Variants in GRIN2B observed in about 807,000 individuals in gnomAD.
GRIN2B encodes the protein glutamate ionotropic receptor NMDA type subunit 2B.
GRIN2B carries 5 observed loss-of-function variants against 114.5 expected under a neutral mutation model. The ratio of observed to expected loss-of-function variants is 0.04; its 90% CI spans 0.02 to 0.09. The LOEUF (loss-of-function observed/expected upper bound fraction) is 0.09, where lower values mean the gene tolerates loss of function less well. Among genes scored for constraint, GRIN2B ranks in the 10% least tolerant of loss-of-function variants. The pLI is 1.00. For synonymous variants in GRIN2B, 787 were observed against 745.1 expected, an observed-to-expected ratio of 1.06 and a Z score of -0.92; for missense variants, 1,108 against 1,943.5, an observed-to-expected ratio of 0.57 and a Z score of 8.08.
intron 4 of GRIN2B, among the ~76,000 whole-genome samples, chr12:13,723,032 C>T (rs1862907346): frequency 6.6e-6 from 1 of 152,070 alleles, no homozygotes; most frequent in African/African-American, 2.4e-5. Context: ...CACTCGTGTC[C>T]AGGAAGCAGG....
chr12:13,811,779 G>A (rs141126645), intron 3 of GRIN2B, among the ~76,000 whole-genome samples: 1 of 152,288 alleles, frequency 6.6e-6, no homozygotes, highest in East Asian at 1.9e-4. Flanking sequence ...TAGCCTGACT[G>A]GAGAGTGGAG....
intron 4 of GRIN2B, among the ~76,000 whole-genome samples, chr12:13,696,266 G>A (rs2216130): frequency 6.6e-6 from 1 of 152,010 alleles, no homozygotes; most frequent in Non-Finnish European, 1.5e-5. Flanking sequence ...CATCCCACAA[G>A]TAAACTTTTA....
Position 13,547,981 on chromosome 12 carries a change from A to ATATATATATATATATTTTTTTTTTTT in GRIN2B, c.*14801_*14802insAAAAAAAAAAAATATATATATATATA. The ATATATATATATATATTTTTTTTTTTT allele has an allele frequency of 6.9e-4, 47 of 68,528 alleles. No individual in the cohort carries two copies. The highest frequency in any genetic ancestry group is 2.3e-3 in the East Asian group (4 of 1,740). The allele number at this position is 68,528 out of a possible 1,614,324, so 4.2% of individuals were successfully genotyped here. On this transcript the variant is annotated 3_prime_UTR_variant, in exon 14 of 14. Transcript: ENST00000609686. Reference sequence around the variant, plus strand: ...TGTGTATATATATATATATATATATATTTTTTTTTTTTTTCTGAAAGCTAC... The same window carrying ATATATATATATATATTTTTTTTTTTT: ...TGTGTATATATATATATATATATATATATATATATATATATTTTTTTTTTTTTTTTTTTTTTTTTTCTGAAAGCTAC...
At chr12:13,956,477 C>T (rs1022555754) in intron 2 of GRIN2B, among the ~76,000 whole-genome samples, 1 of 152,184 alleles carries the variant, frequency 6.6e-6, no homozygotes, top group Non-Finnish European at 1.5e-5. Flanking sequence ...GTAACTCTTT[C>T]TCTCTGTCAC....
At chr12:13,645,253 G>T (rs760641927) in intron 5 of GRIN2B, among the ~76,000 whole-genome samples, 1 of 152,044 alleles carries the variant, frequency 6.6e-6, no homozygotes, top group Non-Finnish European at 1.5e-5. Context: ...GTGTCTTAGG[G>T]AATAAGGAGA....
intron 10 of GRIN2B, among the ~76,000 whole-genome samples, chr12:13,575,842 C>T (rs1434126694): frequency 6.6e-6 from 1 of 152,056 alleles, no homozygotes; most frequent in Non-Finnish European, 1.5e-5. Flanking sequence ...TGGACCTACC[C>T]TCTTTTCTGG....
At chr12:13,588,002 T>C (rs1948954180) in intron 10 of GRIN2B, among the ~76,000 whole-genome samples, 2 of 152,146 alleles carry the variant, frequency 1.3e-5, no homozygotes, top group South Asian at 2.1e-4. Context: ...ACATGCAAAT[T>C]AGAGGGAAAC....
intron 5 of GRIN2B, among the ~76,000 whole-genome samples, chr12:13,618,065 C>A (rs1949466547): frequency 6.6e-6 from 1 of 152,216 alleles, no homozygotes; most frequent in Non-Finnish European, 1.5e-5. Flanking sequence ...TGCACTGAAC[C>A]AAACGTTTGC....
intron 5 of GRIN2B, among the ~76,000 whole-genome samples, chr12:13,645,010 A>C (rs1216473993): frequency 6.6e-6 from 1 of 152,124 alleles, no homozygotes; most frequent in Non-Finnish European, 1.5e-5. Context: ...ATGTGTGTTC[A>C]CTGGAGTAGC....
intron 2 of GRIN2B, among the ~76,000 whole-genome samples, chr12:13,951,513 A>C (rs1207608603): frequency 6.6e-6 from 1 of 152,248 alleles, no homozygotes; most frequent in Non-Finnish European, 1.5e-5. Context: ...CAAATGATCC[A>C]GTCTGTTTGT....
intron 3 of GRIN2B, among the ~76,000 whole-genome samples, chr12:13,836,245 G>A (rs373295831): frequency 6.6e-6 from 1 of 152,180 alleles, no homozygotes; most frequent in African/African-American, 2.4e-5. Context: ...GAGACTTGAC[G>A]GGCATGTGAT....
At chr12:13,979,410 C>G (rs1011360625) in intron 2 of GRIN2B, among the ~76,000 whole-genome samples, 1 of 150,604 alleles carries the variant, frequency 6.6e-6, no homozygotes, top group Non-Finnish European at 1.5e-5. Context: ...GCAACAATCA[C>G]AGTAATCTCA....
intron 3 of GRIN2B, among the ~76,000 whole-genome samples, chr12:13,765,344 T>C (rs932637804): frequency 6.6e-6 from 1 of 152,208 alleles, no homozygotes; most frequent in Non-Finnish European, 1.5e-5. Context: ...CAAAGAAAAG[T>C]CCACAATTTT....
intron 2 of GRIN2B, among the ~76,000 whole-genome samples, chr12:13,910,512 G>A (rs963973218): frequency 1.3e-5 from 2 of 152,146 alleles, no homozygotes; most frequent in South Asian, 2.1e-4. Context: ...ATCCTTTGAC[G>A]CAAGTCCTCC....
In GRIN2B at chr12:13,866,171, C is replaced by A. The variant is rs765133670; in HGVS notation, c.38G>T (p.Trp13Leu). ...CACGGCCAGGACGGCCAACACCAAC[C>A]AGAACTTGGGAGAACAGCACTCCGC... is the stretch of plus-strand genomic sequence containing the variant. ...PRAECCSPKF[W>L]LVLAVLAVSG... The change falls in exon 3 of 14, where the codon TGG becomes TTG. Residue 13 changes from tryptophan to leucine, a missense_variant. Around this residue, in one of 19 missense-constraint regions of GRIN2B, gnomAD observed 46 missense variants for 44.4 expected, o/e 1.04. Coordinates refer to ENST00000609686, the MANE Select transcript of GRIN2B (RefSeq NM_000834.5). 1.2e-6 allele frequency: 2 copies of A among 1,612,306 alleles called. No homozygotes were observed. Among genetic ancestry groups the A allele is most frequent in the South Asian group, 1.1e-5 (1 of 91,084 alleles).
chr12:13,823,823 G>A (rs1017695450), intron 3 of GRIN2B, among the ~76,000 whole-genome samples: 13 of 152,058 alleles, frequency 8.5e-5, no homozygotes, highest in African/African-American at 3.1e-4. Flanking sequence ...TGAGGAGGAT[G>A]TTCTACATTT....
intron 3 of GRIN2B, among the ~76,000 whole-genome samples, chr12:13,787,059 C>A (rs1206236417): frequency 1.3e-5 from 2 of 152,160 alleles, no homozygotes; most frequent in African/African-American, 4.8e-5. Flanking sequence ...CCCAAAACCA[C>A]AATTCATCTA....
chr12:13,885,672 ATGTATTGGTTTAGGAATCTACCAAG>A (rs1866143608), intron 2 of GRIN2B, among the ~76,000 whole-genome samples: 1 of 152,164 alleles, frequency 6.6e-6, no homozygotes, highest in Non-Finnish European at 1.5e-5. Context: ...CAAGGCTTTT[ATGTATTGGTTTAGGAATCTACCAAG>A]CTTCCTAAAA....
intron 2 of GRIN2B, among the ~76,000 whole-genome samples, chr12:13,971,157 TA>T (rs1862904956): frequency 6.6e-6 from 1 of 152,194 alleles, no homozygotes; most frequent in African/African-American, 2.4e-5. Context: ...AGTTTTCTCC[TA>T]AATATTTAGT....
Sources: allele counts gnomAD v4.1 joint callset (sites outside exome capture counted in the v4.1 genomes callset), GRCh38; gene constraint gnomAD v4.1.1; regional missense constraint gnomAD v4.1.1; transcripts MANE v1.5; gene names NCBI Gene and HGNC (gene_info 2026-07-23, HGNC 2026-07-21).